The following ACTG2 variants were observed in gnomAD, a reference collection of about 807,000 sequenced individuals.
The protein encoded by ACTG2 is actin, gamma-enteric smooth muscle.
ACTG2 carries 16 observed loss-of-function variants against 37.6 expected under a neutral mutation model. The ratio of observed to expected loss-of-function variants is 0.43; its 90% CI spans 0.29 to 0.65. The LOEUF (loss-of-function observed/expected upper bound fraction) is 0.65, where lower values mean the gene tolerates loss of function less well. Among genes scored for constraint, ACTG2 ranks in the 30% least tolerant of loss-of-function variants. ACTG2 has a pLI of 0.18. For synonymous variants in ACTG2, 181 were observed against 179.9 expected (o/e 1.01, Z -0.05); for missense variants, 238 against 490.9 (o/e 0.48, Z 4.87).
intron 1 of ACTG2, among the ~76,000 whole-genome samples, chr2:73,894,630 G>C (rs1354151904): frequency 6.6e-6 from 1 of 151,906 alleles, no homozygotes; most frequent in East Asian, 1.9e-4. Flanking sequence ...GTACACGAAA[G>C]GGGTAAAGGC....
At chr2:73,894,847 G>C (rs1382994090) in intron 1 of ACTG2, among the ~76,000 whole-genome samples, 4 of 152,174 alleles carry the variant, frequency 2.6e-5, no homozygotes, top group African/African-American at 9.6e-5. Context: ...GGGGTCCGCA[G>C]GGCTGGATTA....
chr2:73,895,657 G>C (rs1679731498), intron 1 of ACTG2, among the ~76,000 whole-genome samples: 1 of 152,200 alleles, frequency 6.6e-6, no homozygotes, highest in Middle Eastern at 3.2e-3. Context: ...AAATGTCTTT[G>C]AGAACTGACA....
In ACTG2 at chr2:73,904,773, GTGTGTATATATATATATATATATATA is replaced by G. The variant is rs1424091233; in HGVS notation, c.255+2287_255+2312del. On this transcript the variant is annotated intron_variant, in intron 3 of 8. Coordinates refer to ENST00000345517, the MANE Select transcript of ACTG2 (RefSeq NM_001615.4). ...TGTGTGTGTGTGTGTGTGTGTGTGT[GTGTGTATATATATATATATATATATA>G]TATATATATATATATAATCTTGTGT... 7.0e-4 allele frequency among the ~76,000 whole-genome samples: 14 copies of G among 20,100 alleles called. 1 individual carries two copies. Among genetic ancestry groups the G allele is most frequent in the Admixed American group, 1.8e-3 (2 of 1,104 alleles). The allele number at this position is 20,100 out of a possible 152,430, so 13.2% of individuals were successfully genotyped here.
At chr2:73,908,639 T>A in intron 3 of ACTG2, 34 bp from the exon 4 acceptor site, 1 of 1,531,804 alleles carries the variant, frequency 6.5e-7, no homozygotes, top group Non-Finnish European at 8.9e-7. Flanking sequence ...CCATTGGGAG[T>A]CTGCCAGGCT....
chr2:73,913,728 T>G, intron 6 of ACTG2, 82 bp downstream of exon 6: 1 of 1,237,714 alleles, frequency 8.1e-7, no homozygotes, highest in South Asian at 1.4e-5. Flanking sequence ...CCAATGAGAA[T>G]TCTGTGACTC....
At chr2:73,897,542 T>C (rs985831808) in intron 1 of ACTG2, among the ~76,000 whole-genome samples, 4 of 152,332 alleles carry the variant, frequency 2.6e-5, no homozygotes, top group African/African-American at 9.6e-5. Context: ...GAGGCTGGAC[T>C]GTGGGGACTC....
chr2:73,904,739 T>TTGTGTG (rs370499600), intron 3 of ACTG2, among the ~76,000 whole-genome samples: 47 of 103,784 alleles, frequency 4.5e-4, no homozygotes, highest in South Asian at 1.4e-3. Context: ...CTATAAATCA[T>TTGTGTG]TGTGTGTGTG....
Position 73,916,753 on chromosome 2 carries a change from C to G in ACTG2, c.975C>G (p.Thr325=), listed in dbSNP as rs1680278007. 6.2e-7 allele frequency: 1 copy of G among 1,613,738 alleles called. No individual in the cohort carries two copies. Among genetic ancestry groups the G allele is most frequent in the Middle Eastern group, 1.7e-4 (1 of 5,984 alleles). The change falls in exon 8 of 9, where the codon ACC becomes ACG. Residue 325 remains threonine, a synonymous_variant. Coordinates refer to ENST00000345517, the MANE Select transcript of ACTG2 (RefSeq NM_001615.4). The part of the protein sequence containing the change: ...QKEITALAPS[T]MKIKIIAPPE... ...AGATCACAGCCCTGGCCCCCAGCAC[C>G]ATGAAGATCAAGGTGGGTCTTGCCT...
chr2:73,908,571 C>T, intron 3 of ACTG2, 102 bp from the exon 4 acceptor site: 2 of 981,542 alleles, frequency 2.0e-6, no homozygotes, highest in Non-Finnish European at 3.0e-6. Flanking sequence ...TCCATCCCAT[C>T]CTGTGTAACA....
intron 8 of ACTG2, among the ~76,000 whole-genome samples, chr2:73,917,915 C>T (rs1490687198): frequency 6.6e-6 from 1 of 152,224 alleles, no homozygotes; most frequent in African/African-American, 2.4e-5. Flanking sequence ...CGCCTAGCCT[C>T]ACTCCCAGAT....
At chr2:73,905,734 T>C (rs905171443) in intron 3 of ACTG2, among the ~76,000 whole-genome samples, 21 of 152,194 alleles carry the variant, frequency 1.4e-4, no homozygotes, top group African/African-American at 5.1e-4. Flanking sequence ...TTCCAATTGC[T>C]ATGTTCTTTA....
chr2:73,907,126 ATGAATTACTC>A (rs1680033416), intron 3 of ACTG2, among the ~76,000 whole-genome samples: 1 of 152,168 alleles, frequency 6.6e-6, no homozygotes, highest in South Asian at 2.1e-4. Context: ...CCCTCAGATA[ATGAATTACTC>A]CTACCTCTTC....
intron 2 of ACTG2, among the ~76,000 whole-genome samples, chr2:73,902,041 C>CTGTGTCTG (rs1558622693): frequency 7.6e-6 from 1 of 131,286 alleles, no homozygotes; most frequent in Non-Finnish European, 1.6e-5. Context: ...GTGTGTGTGT[C>CTGTGTCTG]TGTGTGTGTG....
intron 3 of ACTG2, among the ~76,000 whole-genome samples, chr2:73,906,661 A>T (rs1430220750): frequency 6.6e-6 from 1 of 151,920 alleles, no homozygotes; most frequent in Non-Finnish European, 1.5e-5. Context: ...AATTTTTTGT[A>T]GAGACAGGGT....
At position 73,908,889 on chromosome 2, in the gene ACTG2, C is replaced by G. The variant is rs746570126; in HGVS notation, c.366+106C>G. 3.3e-6 allele frequency: 4 copies of G among 1,226,634 alleles called. No individual in the cohort carries two copies. The Admixed American group carries it at 7.8e-5, about 24-fold the overall frequency. The allele number at this position is 1,226,634 out of a possible 1,614,324, so 76.0% of individuals were successfully genotyped here. A position where few individuals can be genotyped will look rare whatever the true frequency, so the allele number is the denominator to read the frequency against. On this transcript the variant is annotated intron_variant, in intron 4 of 8. Transcript: ENST00000345517. ...TCAGTGCAACAGAACTCTCTGAGGA[C>G]CTGCTATGTCTGTGGTCCATGCCAG...
chr2:73,918,234 G>A (rs1161897597), intron 8 of ACTG2, among the ~76,000 whole-genome samples: 1 of 152,184 alleles, frequency 6.6e-6, no homozygotes, highest in Non-Finnish European at 1.5e-5. Context: ...GGGGAGATGA[G>A]GCAAGTCTCA....
Position 73,902,490 on chromosome 2 carries a change from T to A in ACTG2, c.255+2T>A. On this transcript the variant is annotated splice_donor_variant, in intron 3 of 8. Transcript: ENST00000345517. LOFTEE classifies it high-confidence loss of function. ...ACCAACTGGGATGACATGGAGAAGGTATCTGTAGACTTCCCCTTAATGAGC... is the reference window on the plus strand; with the variant it reads ...ACCAACTGGGATGACATGGAGAAGGAATCTGTAGACTTCCCCTTAATGAGC... The A allele has an allele frequency of 6.2e-7, 1 of 1,613,992 alleles. No individual in the cohort carries two copies. Among genetic ancestry groups the A allele is most frequent in the Non-Finnish European group, 8.5e-7 (1 of 1,179,988 alleles).
At chr2:73,898,571 A>G (rs1373778596) in intron 1 of ACTG2, among the ~76,000 whole-genome samples, 1 of 150,816 alleles carries the variant, frequency 6.6e-6, no homozygotes, top group Non-Finnish European at 1.5e-5. Context: ...AAGTATTTTC[A>G]AATTCCCTTT....
Position 73,919,443 on chromosome 2 carries a change from C to T in ACTG2, c.999C>T (p.Pro333=), listed in dbSNP as rs376230710. 1.9e-6 allele frequency: 3 copies of T among 1,613,430 alleles called. No homozygotes were observed. The highest frequency in any genetic ancestry group is 2.5e-6 in the Non-Finnish European group (3 of 1,180,000). Residue 333 remains proline (P), a synonymous_variant, in exon 9 of 9, where the codon CCC becomes CCT. Coordinates refer to ENST00000345517, the MANE Select transcript of ACTG2 (RefSeq NM_001615.4). ...TTTGTTCTTTGCAGATTATTGCTCC[C>T]CCAGAGCGGAAGTACTCAGTCTGGA... is the stretch of plus-strand genomic sequence containing the variant. ...PSTMKIKIIA[P]PERKYSVWIG...
Sources: allele counts gnomAD v4.1 joint callset (sites outside exome capture counted in the v4.1 genomes callset), GRCh38; gene constraint gnomAD v4.1.1; transcripts MANE v1.5; gene names NCBI Gene and HGNC (gene_info 2026-07-23, HGNC 2026-07-21).